The following CCDC171 variants were observed in gnomAD, a reference collection of about 807,000 sequenced individuals.
CCDC171 encodes the protein coiled-coil domain-containing protein 171.
Under a neutral mutation model 168.2 loss-of-function variants are expected in CCDC171, and 177 were observed. The observed-to-expected ratio is 1.05, with a 90% CI of 0.93 to 1.19. The LOEUF is 1.19. CCDC171 is among the 50% of genes most tolerant of loss of function. The pLI is 0.00. For synonymous variants in CCDC171, 687 were observed against 540.8 expected, an observed-to-expected ratio of 1.27 and a Z score of -3.75; for missense variants, 1,991 against 1,539.0, an observed-to-expected ratio of 1.29 and a Z score of -4.91.
At chr9:15,581,536 C>T (rs1466291293) in intron 4 of CCDC171, among the ~76,000 whole-genome samples, 1 of 152,120 alleles carries the variant, frequency 6.6e-6, no homozygotes, top group Non-Finnish European at 1.5e-5. Flanking sequence ...AACTATACTA[C>T]AAGAATACAG....
chr9:15,579,791 A>G (rs1429807985), intron 4 of CCDC171, among the ~76,000 whole-genome samples: 7 of 152,278 alleles, frequency 4.6e-5, no homozygotes, highest in Non-Finnish European at 8.8e-5. Flanking sequence ...AAATTCATGC[A>G]TATTGTATGA....
chr9:15,911,760 G>C (rs1009243608), intron 24 of CCDC171, among the ~76,000 whole-genome samples: 3 of 152,060 alleles, frequency 2.0e-5, no homozygotes, highest in Non-Finnish European at 4.4e-5. Flanking sequence ...TCAGTTTTCT[G>C]CATATGGCTA....
chr9:15,864,028 A>AACC (rs1227163602), intron 23 of CCDC171, among the ~76,000 whole-genome samples: 1 of 152,094 alleles, frequency 6.6e-6, no homozygotes, highest in African/African-American at 2.4e-5. Context: ...CTTAGTAGTC[A>AACC]ACCACTGTTT....
At chr9:15,798,251 G>A (rs1007305203) in intron 21 of CCDC171, among the ~76,000 whole-genome samples, 1 of 151,928 alleles carries the variant, frequency 6.6e-6, no homozygotes, top group African/African-American at 2.4e-5. Flanking sequence ...AATGCTTGTT[G>A]GATCTGTTGT....
At chr9:15,955,095 G>A (rs1352899992) in intron 25 of CCDC171, among the ~76,000 whole-genome samples, 1 of 151,980 alleles carries the variant, frequency 6.6e-6, no homozygotes, top group Admixed American at 6.6e-5. Flanking sequence ...AGGGTTTTCT[G>A]ATTTTTTAAA....
chr9:15,585,386 A>G (rs947426720), intron 4 of CCDC171, among the ~76,000 whole-genome samples: 1 of 152,248 alleles, frequency 6.6e-6, no homozygotes, highest in Non-Finnish European at 1.5e-5. Flanking sequence ...TATATAATGA[A>G]ATGCTACTCA....
At chr9:15,754,502 A>G (rs762757263) in intron 18 of CCDC171, among the ~76,000 whole-genome samples, 2 of 152,176 alleles carry the variant, frequency 1.3e-5, no homozygotes, top group African/African-American at 4.8e-5. Flanking sequence ...AATGTAGAGT[A>G]TAACATAAAT....
At chr9:15,923,796 T>G (rs1825606253) in intron 25 of CCDC171, among the ~76,000 whole-genome samples, 1 of 151,464 alleles carries the variant, frequency 6.6e-6, no homozygotes, top group Non-Finnish European at 1.5e-5. Context: ...GAGAACTTTT[T>G]TTCTCGCATT....
chr9:15,885,473 G>C (rs1450137064), intron 24 of CCDC171: 1 of 152,106 alleles, frequency 6.6e-6, no homozygotes, highest in Non-Finnish European at 1.5e-5. Flanking sequence ...GTGAGCAGTT[G>C]AACTTTCAAG....
chr9:15,915,699 T>C (rs1824404823), intron 24 of CCDC171, among the ~76,000 whole-genome samples: 2 of 152,168 alleles, frequency 1.3e-5, no homozygotes. Flanking sequence ...GTTCCAGTTC[T>C]TAGAATGCTT....
intron 6 of CCDC171, among the ~76,000 whole-genome samples, chr9:16,030,604 G>T (rs1424318886): frequency 6.6e-6 from 1 of 152,212 alleles, no homozygotes; most frequent in Non-Finnish European, 1.5e-5. Flanking sequence ...AGGAACATCT[G>T]TCTAGTACTG....
At position 15,900,527 on chromosome 9, in the gene CCDC171, C is replaced by T. The variant is rs558081598; in HGVS notation, c.3601-19743C>T. Among the ~76,000 whole-genome samples, 20 of 149,362 alleles carry T rather than the reference C, an allele frequency of 1.3e-4. No individual in the cohort carries two copies. The East Asian group carries it at 2.8e-3, about 21-fold the overall frequency. The stretch of plus-strand genomic sequence containing the variant: ...CTGCTGAGACACCCGAGCAGAGGAC[C>T]CCACTAACCTATGCTGGACTCCTGG... On this transcript the variant is annotated intron_variant, in intron 24 of 25. Transcript: ENST00000380701.
At chr9:15,838,659 TG>T (rs1281048740) in intron 21 of CCDC171, among the ~76,000 whole-genome samples, 2 of 152,210 alleles carry the variant, frequency 1.3e-5, no homozygotes, top group Admixed American at 1.3e-4. Context: ...CTTGAACTCC[TG>T]GCCTCAAGCA....
At chr9:15,847,004 ACT>A (rs1206198927) in intron 22 of CCDC171, among the ~76,000 whole-genome samples, 157 bp downstream of exon 22, 1 of 151,958 alleles carries the variant, frequency 6.6e-6, no homozygotes, top group African/African-American at 2.4e-5. Context: ...AAAAAGAAAA[ACT>A]CTTAACATAC....
In CCDC171 at chr9:15,971,836, A is replaced by G. The variant is rs1355687605; in HGVS notation, c.3981A>G (p.Ter1327TrpextTer11). Residue 1327 changes from the stop codon to tryptophan, a stop_lost, in exon 26 of 26, where the codon TGA (stop) becomes TGG (tryptophan). Transcript: ENST00000380701. The stretch of plus-strand genomic sequence containing the variant: ...ACAGACCAACTCAGATTGGATTATG[A>G]CTTCATGAAATTAAAAAATGGAGGA... ...NANRPTQIGL* is the reference protein window; with the variant it reads ...NANRPTQIGLW 1 of 1,606,994 alleles carries G rather than the reference A, an allele frequency of 6.2e-7. No individual in the cohort carries two copies. Among genetic ancestry groups the G allele is most frequent in the Non-Finnish European group, 8.5e-7 (1 of 1,174,136 alleles).
At chr9:16,097,494 T>G in the CCDC171 span, among the ~76,000 whole-genome samples, 1 of 152,216 alleles carries the variant, frequency 6.6e-6, no homozygotes, top group Admixed American at 6.5e-5. Flanking sequence ...GGTGAGGAAG[T>G]GTGTTCAGTG....
rs561008279 is a variant in CCDC171 at position 15,554,271 on chromosome 9, C to T, written c.-112+969C>T. On this transcript the variant is annotated intron_variant, in intron 1 of 25. Transcript: ENST00000380701. ...TCCTGACATCGTGATCCGCCCGCCTCGGCCTCCCAAAGTGCTGGGATTACA... is the reference window on the plus strand; with the variant it reads ...TCCTGACATCGTGATCCGCCCGCCTTGGCCTCCCAAAGTGCTGGGATTACA... Among the ~76,000 whole-genome samples the T allele has an allele frequency of 5.9e-5, 9 of 152,318 alleles. 1 individual carries two copies. Among genetic ancestry groups the T allele is most frequent in the Admixed American group, 5.2e-4 (8 of 15,298 alleles).
intron 4 of CCDC171, among the ~76,000 whole-genome samples, chr9:15,586,707 G>T (rs190580143): frequency 6.6e-6 from 1 of 152,292 alleles, no homozygotes; most frequent in Admixed American, 6.5e-5. Flanking sequence ...AATCCCTGGA[G>T]ATGGCGAAAT....
At chr9:15,769,816 C>T (rs542881737) in intron 18 of CCDC171, among the ~76,000 whole-genome samples, 6 of 152,256 alleles carry the variant, frequency 3.9e-5, no homozygotes, top group Middle Eastern at 3.4e-3. Flanking sequence ...TCTCTAAATA[C>T]GAAATTCTCT....
Sources: allele counts gnomAD v4.1 joint callset (sites outside exome capture counted in the v4.1 genomes callset), GRCh38; gene constraint gnomAD v4.1.1; transcripts MANE v1.5; gene names NCBI Gene and HGNC (gene_info 2026-07-23, HGNC 2026-07-21).